The following ZNF280D variants were observed in gnomAD, a reference collection of about 807,000 sequenced individuals.
ZNF280D encodes the protein suppressor of hairy wing homolog 4.
In ZNF280D, 39 loss-of-function variants were observed where a neutral mutation model predicts 94.7. The observed-to-expected ratio is 0.41, with a 90% CI of 0.32 to 0.54. The LOEUF is 0.54. ZNF280D is among the 20% of genes least tolerant of loss of function. The pLI, the probability that ZNF280D is intolerant of heterozygous loss-of-function variation, is 0.22. For missense variants in ZNF280D, 1,090 were observed against 1,149.3 expected, an observed-to-expected ratio of 0.95 and a Z score of 0.75; for synonymous variants, 398 against 377.6, an observed-to-expected ratio of 1.05 and a Z score of -0.63.
intron 13 of ZNF280D, among the ~76,000 whole-genome samples, chr15:56,672,862 C>A (rs2054962992): frequency 6.6e-6 from 1 of 151,166 alleles, no homozygotes; most frequent in Non-Finnish European, 1.5e-5. Flanking sequence ...TTTTTCTTAA[C>A]ACAAGGTCTC....
intron 13 of ZNF280D, among the ~76,000 whole-genome samples, chr15:56,675,925 A>G (rs1195492273): frequency 6.6e-6 from 1 of 152,052 alleles, no homozygotes; most frequent in Non-Finnish European, 1.5e-5. Flanking sequence ...TCAAGCACGC[A>G]AGAACAGGAT....
Position 56,720,451 on chromosome 15 carries a change from T to G in ZNF280D, c.-86+13007A>C, listed in dbSNP as rs75532667. ...ACCTTGAAACTCTCAAAGTCATCCA[T>G]GAGGGCTGGAACCAACTTCTTCCAA... On this transcript the variant is annotated intron_variant, in intron 1 of 21. Transcript: ENST00000267807. 4.5e-3 allele frequency among the ~76,000 whole-genome samples: 681 copies of G among 152,312 alleles called. 3 individuals are homozygous for G. Among genetic ancestry groups the G allele is most frequent in the African/African-American group, 0.016 (661 of 41,566 alleles).
intron 16 of ZNF280D, among the ~76,000 whole-genome samples, chr15:56,661,469 A>G (rs1189014704): frequency 1.2e-4 from 19 of 152,332 alleles, no homozygotes; most frequent in Admixed American, 1.2e-3. Context: ...TATGATTATC[A>G]TTTAGTGTCA....
intron 20 of ZNF280D, among the ~76,000 whole-genome samples, chr15:56,639,068 T>G (rs1350014880): frequency 6.6e-6 from 1 of 151,952 alleles, no homozygotes; most frequent in South Asian, 2.1e-4. Context: ...TATACAATAT[T>G]TAATATCTCC....
chr15:56,677,600 G>T lies in ZNF280D; in HGVS notation c.1237C>A (p.Pro413Thr), dbSNP rs778278263. The part of the protein sequence containing the change: ...LLQHMKDNHK[P>T]GEMPYVCQVC... ...TGGCAGACATATGGCATTTCACCAG[G>T]TTTATGATTGTCCTTCATATGTTGT... is the stretch of plus-strand genomic sequence containing the variant. Residue 413 changes from proline to threonine, a missense_variant, in exon 12 of 22, where the codon CCT becomes ACT. Pro to Thr is a conservative substitution (Grantham distance 38). Coordinates refer to ENST00000267807, the MANE Select transcript of ZNF280D (RefSeq NM_017661.4). The T allele has an allele frequency of 6.2e-7, 1 of 1,609,906 alleles. No individual in the cohort carries two copies. The highest frequency in any genetic ancestry group is 8.5e-7 in the Non-Finnish European group (1 of 1,177,668).
At chr15:56,692,636 A>G (rs79742097) in intron 7 of ZNF280D, among the ~76,000 whole-genome samples, 5,529 of 152,186 alleles carry the variant, frequency 0.036, 348 homozygotes, top group Admixed American at 0.16. Flanking sequence ...TATTGTTGGG[A>G]GTTTATAATA....
chr15:56,700,844 A>G (rs1025598960), intron 6 of ZNF280D, 89 bp downstream of exon 6: 26 of 1,606,884 alleles, frequency 1.6e-5, no homozygotes, highest in Non-Finnish European at 2.2e-5. Flanking sequence ...TACTTATGAC[A>G]GTCCAGAATT....
intron 16 of ZNF280D, among the ~76,000 whole-genome samples, chr15:56,664,993 A>G (rs558351368): frequency 6.6e-6 from 1 of 152,324 alleles, no homozygotes; most frequent in Non-Finnish European, 1.5e-5. Context: ...GAAATCCAAA[A>G]GGAATGAACA....
chr15:56,724,777 T>C (rs1361547442), intron 1 of ZNF280D: 1 of 374,294 alleles, frequency 2.7e-6, no homozygotes, highest in East Asian at 7.4e-5. Context: ...ACATCTGTTG[T>C]GTATAACTTC....
intron 6 of ZNF280D, chr15:56,698,700 T>C (rs188208244): frequency 4.1e-4 from 63 of 152,326 alleles, no homozygotes; most frequent in African/African-American, 1.5e-3. Flanking sequence ...TACGTGATTA[T>C]GTTACCTAAG....
At chr15:56,689,849 C>T (rs1596511757) in intron 7 of ZNF280D, among the ~76,000 whole-genome samples, 1 of 151,464 alleles carries the variant, frequency 6.6e-6, no homozygotes, top group Non-Finnish European at 1.5e-5. Flanking sequence ...GCATTGAGTA[C>T]ACTAGAGTTT....
chr15:56,653,701 A>G, intron 19 of ZNF280D: 3 of 1,329,238 alleles, frequency 2.3e-6, no homozygotes, highest in Non-Finnish European at 2.9e-6. Flanking sequence ...AAAGCAGACA[A>G]ACAGACAAAA....
chr15:56,721,457 A>G (rs527247835), intron 1 of ZNF280D, among the ~76,000 whole-genome samples: 16 of 152,222 alleles, frequency 1.1e-4, no homozygotes, highest in Non-Finnish European at 2.2e-4. Context: ...CTTCCAATAA[A>G]TAGAAGTCTA....
chr15:56,656,025 C>T (rs1315523279), intron 17 of ZNF280D, among the ~76,000 whole-genome samples: 4 of 152,140 alleles, frequency 2.6e-5, no homozygotes, highest in Admixed American at 2.6e-4. Context: ...GCCAAGTAGG[C>T]CTAATACCTA....
intron 20 of ZNF280D, among the ~76,000 whole-genome samples, chr15:56,636,546 T>A (rs1294317911): frequency 2.0e-5 from 3 of 150,174 alleles, no homozygotes; most frequent in African/African-American, 7.4e-5. Context: ...TGCAGTGGTA[T>A]GATCTCAGCT....
Position 56,717,262 on chromosome 15 carries a change from T to C in ZNF280D, c.-85-9956A>G, listed in dbSNP as rs570714689. ...GTAAATAGATGCTGGGTGGCAAAAA[T>C]AACAGATGTCCACTACAAGGAATTC... On this transcript the variant is annotated intron_variant, in intron 1 of 21. Coordinates refer to ENST00000267807, the MANE Select transcript of ZNF280D (RefSeq NM_017661.4). Among the ~76,000 whole-genome samples, 16 of 152,156 alleles carry C rather than the reference T, an allele frequency of 1.1e-4. No individual in the cohort carries two copies. In the South Asian group the frequency reaches 3.3e-3, roughly 32 times the overall value.
intron 19 of ZNF280D, among the ~76,000 whole-genome samples, chr15:56,643,505 A>G (rs1310884991): frequency 1.3e-5 from 2 of 151,732 alleles, no homozygotes; most frequent in Non-Finnish European, 3.0e-5. Flanking sequence ...AGAAGTAATT[A>G]GAATTTTGAG....
At chr15:56,701,634 G>A (rs188631739) in intron 4 of ZNF280D, among the ~76,000 whole-genome samples, 2 of 151,878 alleles carry the variant, frequency 1.3e-5, no homozygotes, top group African/African-American at 4.8e-5. Flanking sequence ...ATGATGACAG[G>A]GCTGTTACAT....
At chr15:56,685,284 G>C (rs1412041277) in intron 9 of ZNF280D, among the ~76,000 whole-genome samples, 1 of 151,968 alleles carries the variant, frequency 6.6e-6, no homozygotes, top group Non-Finnish European at 1.5e-5. Context: ...CACTGATGAT[G>C]AACAGTGGAT....
Sources: gnomAD v4.1 joint callset for allele counts (sites outside exome capture counted in the v4.1 genomes callset) on GRCh38, gnomAD v4.1.1 for gene constraint, MANE v1.5 for transcripts, NCBI Gene and HGNC (gene_info 2026-07-23, HGNC 2026-07-21) for gene names.